BDH1: variants seen among roughly 807,000 people sequenced by gnomAD.
BDH1 encodes 3-hydroxybutyrate dehydrogenase 1.
A neutral mutation model predicts 33.1 loss-of-function variants in BDH1; 30 were observed. The ratio of observed to expected loss-of-function variants is 0.91; its 90% CI spans 0.68 to 1.23. The LOEUF (loss-of-function observed/expected upper bound fraction) is 1.23. Ranked by LOEUF, BDH1 falls within the 50% of genes most tolerant of loss-of-function variation. BDH1 has a pLI of 0.00. For missense variants in BDH1, 443 were observed against 464.4 expected, an observed-to-expected ratio of 0.95 and a Z score of 0.42; for synonymous variants, 190 against 183.6, an observed-to-expected ratio of 1.03 and a Z score of -0.28.
Position 197,512,196 on chromosome 3 carries a change from G to A in BDH1, c.731C>T (p.Ala244Val), listed in dbSNP as rs1213935593. 1 of 1,613,946 alleles carries A rather than the reference G, an allele frequency of 6.2e-7. No homozygotes were observed. Among genetic ancestry groups the A allele is most frequent in the East Asian group, 2.2e-5 (1 of 44,904 alleles). Residue 244 changes from alanine (A) to valine (V), a missense_variant, in exon 8 of 8, where the codon GCC becomes GTC. By Grantham distance (64) the Ala-to-Val change is moderately conservative. Transcript: ENST00000392379. Reference protein sequence around the residue: ...SVVEPGNFIAATSLYSPESIQ... With the variant: ...SVVEPGNFIAVTSLYSPESIQ... Reference sequence around the variant, plus strand: ...GCTCTCAGGGCTGTAAAGGCTGGTGGCAGCGATGAAGTTGCCGGGCTCCAC... The same window carrying A: ...GCTCTCAGGGCTGTAAAGGCTGGTGACAGCGATGAAGTTGCCGGGCTCCAC...
Position 197,546,455 on chromosome 3 carries a change from G to A in BDH1, c.-12C>T. On this transcript the variant is annotated 5_prime_UTR_variant, in exon 3 of 8. Transcript: ENST00000392379. ...CGGGTGGCCAGCATGGTAGCAACGG[G>A]TGTTAGAATGGCCCAGTTCCTCCCG... is the stretch of plus-strand genomic sequence containing the variant. The A allele has an allele frequency of 6.2e-7, 1 of 1,613,880 alleles. No individual in the cohort carries two copies. The highest frequency in any genetic ancestry group is 8.5e-7 in the Non-Finnish European group (1 of 1,179,804).
rs765108593 is a variant in BDH1, at chr3:197,546,445, G to A, written c.-2C>T. On this transcript the variant is annotated 5_prime_UTR_variant, in exon 3 of 8. Coordinates refer to ENST00000392379, the MANE Select transcript of BDH1 (RefSeq NM_203314.3). ...TCTGGAGAGGCGGGTGGCCAGCATGGTAGCAACGGGTGTTAGAATGGCCCA... is the reference window on the plus strand; with the variant it reads ...TCTGGAGAGGCGGGTGGCCAGCATGATAGCAACGGGTGTTAGAATGGCCCA... 14 of 1,614,058 alleles carry A rather than the reference G, an allele frequency of 8.7e-6. No individual in the cohort carries two copies. The highest frequency in any genetic ancestry group is 9.3e-6 in the Non-Finnish European group (11 of 1,179,958).
rs1023428840 is a variant in BDH1 at position 197,570,549 on chromosome 3, C to T, written c.-44+2632G>A. On this transcript the variant is annotated intron_variant, in intron 1 of 6. Transcript: ENST00000358186. The stretch of plus-strand genomic sequence containing the variant: ...TGCATCTTAGGGACTTGGCACCCTA[C>T]GTCCCAGCTGCTCTAGCCATGGCTA... 5.6e-4 allele frequency among the ~76,000 whole-genome samples: 86 copies of T among 152,216 alleles called. 1 individual carries two copies. Among genetic ancestry groups the T allele is most frequent in the African/African-American group, 1.9e-3 (79 of 41,452 alleles).
intron 1 of BDH1, among the ~76,000 whole-genome samples, chr3:197,571,611 G>T (rs1052011723): frequency 1.3e-5 from 2 of 152,204 alleles, no homozygotes; most frequent in African/African-American, 4.8e-5. Context: ...TCTCTTGCCT[G>T]CCACCATGTA....
chr3:197,571,982 T>G (rs1389128849), intron 1 of BDH1, among the ~76,000 whole-genome samples: 3 of 152,214 alleles, frequency 2.0e-5, no homozygotes, highest in African/African-American at 7.2e-5. Flanking sequence ...TAACAACTGT[T>G]TCAGCACTGA....
rs549166866 is a variant in BDH1, at chr3:197,532,334, G to C, written c.267+78C>G. ...TTAAGCAAAGGTGAGCCAGTTGTTA[G>C]GAAAGCACTTTTTAAAAGACTAAAA... On this transcript the variant is annotated intron_variant, in intron 5 of 7. Transcript: ENST00000392379. 8.1e-4 allele frequency: 1,047 copies of C among 1,295,046 alleles called. 2 individuals are homozygous for C. Among genetic ancestry groups the C allele is most frequent in the Non-Finnish European group, 1.1e-3 (991 of 901,718 alleles). 80.2% of individuals were successfully genotyped at this position (1,295,046 alleles called of 1,614,324 possible). A position where few individuals can be genotyped will look rare whatever the true frequency, so the allele number is the denominator to read the frequency against.
intron 3 of BDH1, among the ~76,000 whole-genome samples, chr3:197,543,700 C>T (rs1221698869): frequency 6.6e-6 from 1 of 152,142 alleles, no homozygotes; most frequent in Non-Finnish European, 1.5e-5. Context: ...TGTTCAGGCA[C>T]CACACCTTAA....
chr3:197,512,701 G>A (rs936580627), intron 7 of BDH1, among the ~76,000 whole-genome samples: 30 of 152,236 alleles, frequency 2.0e-4, no homozygotes, highest in Admixed American at 1.7e-3. Flanking sequence ...AGTGGGAGGC[G>A]AGACAGCTGT....
At chr3:197,531,225 G>A (rs13091363) in intron 5 of BDH1, among the ~76,000 whole-genome samples, 23,079 of 151,532 alleles carry the variant, frequency 0.15, 2,037 homozygotes, top group African/African-American at 0.24. Context: ...GTGAAACCCC[G>A]TCTCTAATAA....
chr3:197,541,072 G>A (rs1715583232), intron 3 of BDH1, among the ~76,000 whole-genome samples: 1 of 152,182 alleles, frequency 6.6e-6, no homozygotes, highest in Non-Finnish European at 1.5e-5. Context: ...CCCTCAATTT[G>A]CAGCTCTTAC....
At chr3:197,515,587 C>T in intron 6 of BDH1, 1 of 985,566 alleles carries the variant, frequency 1.0e-6, no homozygotes, top group Non-Finnish European at 1.2e-6. Context: ...GCCCATGACT[C>T]CATCCCTTCA....
At chr3:197,546,758 C>G (rs555871247) in intron 2 of BDH1, among the ~76,000 whole-genome samples, 1 of 152,316 alleles carries the variant, frequency 6.6e-6, no homozygotes, top group South Asian at 2.1e-4. Flanking sequence ...AGTCATCACC[C>G]ATTCATAATG....
At chr3:197,551,415 CT>C (rs1716557496) in intron 2 of BDH1, among the ~76,000 whole-genome samples, 1 of 152,156 alleles carries the variant, frequency 6.6e-6, no homozygotes, top group Non-Finnish European at 1.5e-5. Context: ...TTCTTTTTTT[CT>C]GGCTGAATAC....
At chr3:197,558,530 C>T (rs1184904687), upstream of BDH1, among the ~76,000 whole-genome samples, 1 of 152,236 alleles carries the variant, frequency 6.6e-6, no homozygotes, top group Non-Finnish European at 1.5e-5. Context: ...CTATTTGACT[C>T]TTCCCAGCCC....
chr3:197,570,536 AC>A (rs1717574188), intron 1 of BDH1, among the ~76,000 whole-genome samples: 1 of 152,206 alleles, frequency 6.6e-6, no homozygotes, highest in African/African-American at 2.4e-5. Context: ...CATCTTAGGG[AC>A]TTGGCACCCT....
chr3:197,559,832 C>A (rs550629909), upstream of BDH1, among the ~76,000 whole-genome samples: 58 of 152,246 alleles, frequency 3.8e-4, 1 homozygote, highest in South Asian at 4.1e-4. Flanking sequence ...CACCTTCAAC[C>A]TTTCCCCACC....
At chr3:197,571,888 C>T (rs1317365250) in intron 1 of BDH1, among the ~76,000 whole-genome samples, 1 of 152,130 alleles carries the variant, frequency 6.6e-6, no homozygotes, top group Non-Finnish European at 1.5e-5. Flanking sequence ...ACAGCAAGAC[C>T]TTGTTTCTAC....
chr3:197,568,294 T>TGG (rs1717499348), intron 1 of BDH1, among the ~76,000 whole-genome samples: 1 of 151,844 alleles, frequency 6.6e-6, no homozygotes, highest in African/African-American at 2.4e-5. Flanking sequence ...TTTGTGGGTT[T>TGG]TTTTTTTTTG....
At chr3:197,558,462 G>A (rs936448873), upstream of BDH1, among the ~76,000 whole-genome samples, 1 of 152,060 alleles carries the variant, frequency 6.6e-6, no homozygotes, top group African/African-American at 2.4e-5. Flanking sequence ...CCATAGTAGT[G>A]ACCGACTTGA....
Sources: allele counts gnomAD v4.1 joint callset (sites outside exome capture counted in the v4.1 genomes callset), GRCh38; gene constraint gnomAD v4.1.1; transcripts MANE v1.5; gene names NCBI Gene and HGNC (gene_info 2026-07-23, HGNC 2026-07-21).